Variants in OR13A1 observed in about 807,000 individuals in gnomAD.
OR13A1 encodes the protein olfactory receptor family 13 subfamily A member 1.
OR13A1 carries 10 observed loss-of-function variants against 7.5 expected under a neutral mutation model. The ratio of observed to expected loss-of-function variants is 1.34; its 90% CI spans 0.83 to 2.27. OR13A1 has a LOEUF of 2.27. Among genes scored for constraint, OR13A1 ranks in the 30% most tolerant of loss-of-function variants. The pLI is 0.00. For missense variants in OR13A1, 509 were observed against 419.1 expected (o/e 1.21, Z -1.87); for synonymous variants, 238 against 177.9 (o/e 1.34, Z -2.69).
rs77391684 is a variant in OR13A1 at position 45,314,384 on chromosome 10, G to A, written c.-225+1140C>T. On this transcript the variant is annotated intron_variant, in intron 1 of 3. Coordinates refer to ENST00000553795, the MANE Select transcript of OR13A1 (RefSeq NM_001004297.3). ...GGCTGAGGGAGGAGAACTTCTGGAG[G>A]CCAGGAATTTGAGACCAGCCTGGGC... Among the ~76,000 whole-genome samples, 19 of 151,198 alleles carry A rather than the reference G, an allele frequency of 1.3e-4. No homozygotes were observed. In the East Asian group the frequency reaches 3.7e-3, roughly 29 times the overall value.
At chr10:45,311,516 T>A (rs1030399513) in intron 1 of OR13A1, among the ~76,000 whole-genome samples, 1 of 152,070 alleles carries the variant, frequency 6.6e-6, no homozygotes, top group Non-Finnish European at 1.5e-5. Context: ...TGATATAATA[T>A]CCATACTAGG....
intron 3 of OR13A1, among the ~76,000 whole-genome samples, chr10:45,305,174 C>T (rs983344741): frequency 3.3e-5 from 5 of 151,680 alleles, no homozygotes; most frequent in African/African-American, 9.7e-5. Context: ...GGCAAGGTTT[C>T]GGTGAGCTGA....
In OR13A1 at chr10:45,312,204, C is replaced by T. The variant is rs764275363; in HGVS notation, c.-225+3320G>A. Among the ~76,000 whole-genome samples, 8 of 152,116 alleles carry T rather than the reference C, an allele frequency of 5.3e-5. 1 individual carries two copies. The East Asian group carries it at 1.5e-3, about 29-fold the overall frequency. ...AGAAAAAAATTTGAATGAATAATGG[C>T]TACAATTTTTCTAAATGTAATGAAA... is the stretch of plus-strand genomic sequence containing the variant. On this transcript the variant is annotated intron_variant, in intron 1 of 3. Coordinates refer to ENST00000553795, the MANE Select transcript of OR13A1 (RefSeq NM_001004297.3).
At chr10:45,311,203 T>C (rs1838438535) in intron 1 of OR13A1, among the ~76,000 whole-genome samples, 2 of 152,230 alleles carry the variant, frequency 1.3e-5, no homozygotes, top group African/African-American at 4.8e-5. Flanking sequence ...TTTTAGTTAT[T>C]TCTATCACCC....
In OR13A1 at chr10:45,307,544, T is replaced by G. The variant is rs1485674935; in HGVS notation, c.-131A>C. 1 of 152,226 alleles carries G rather than the reference T, an allele frequency of 6.6e-6. No individual in the cohort carries two copies. The highest frequency in any genetic ancestry group is 1.5e-5 in the Non-Finnish European group (1 of 68,038). The allele number at this position is 152,226 out of a possible 1,614,324, so 9.4% of individuals were successfully genotyped here. On this transcript the variant is annotated 5_prime_UTR_variant, in exon 3 of 4. Coordinates refer to ENST00000553795, the MANE Select transcript of OR13A1 (RefSeq NM_001004297.3). ...CATGAGAATGACCACAAGATTTCTTTACAGCCTCAGCCAGTCATTTCTTCT... is the reference window on the plus strand; with the variant it reads ...CATGAGAATGACCACAAGATTTCTTGACAGCCTCAGCCAGTCATTTCTTCT...
Position 45,303,430 on chromosome 10 carries a change from C to T in OR13A1, c.*6G>A, listed in dbSNP as rs952533208. On this transcript the variant is annotated 3_prime_UTR_variant, in exon 4 of 4. Coordinates refer to ENST00000553795, the MANE Select transcript of OR13A1 (RefSeq NM_001004297.3). Reference sequence around the variant, plus strand: ...CTCCAAGGACAAAAACTTCAGAAGACACAAGTTAATTTCTGAAGAAAGGGA... The same window carrying T: ...CTCCAAGGACAAAAACTTCAGAAGATACAAGTTAATTTCTGAAGAAAGGGA... 2 of 1,580,492 alleles carry T rather than the reference C, an allele frequency of 1.3e-6. No individual in the cohort carries two copies. The highest frequency in any genetic ancestry group is 1.4e-5 in the African/African-American group (1 of 73,684).
At chr10:45,308,147 G>A (rs990530919) in intron 1 of OR13A1, among the ~76,000 whole-genome samples, 3 of 152,168 alleles carry the variant, frequency 2.0e-5, no homozygotes, top group Non-Finnish European at 2.9e-5. Context: ...CATTTCTATT[G>A]TAGACATGCT....
Position 45,303,679 on chromosome 10 carries a change from A to G in OR13A1, c.744T>C (p.Thr248=). 6.2e-7 allele frequency: 1 copy of G among 1,614,228 alleles called. No homozygotes were observed. The highest frequency in any genetic ancestry group is 8.5e-7 in the Non-Finnish European group (1 of 1,180,028). ...FIVSSILKVK[T]AWGRQKAFST... ...AGAAGGCTTTCTGCCTCCCCCAGGC[A>G]GTCTTCACCTTCAGGATGCTGGAGA... The change falls in exon 4 of 4, where the codon ACT becomes ACC. Residue 248 remains threonine, a synonymous_variant. Transcript: ENST00000553795.
intron 3 of OR13A1, among the ~76,000 whole-genome samples, chr10:45,306,245 G>A (rs1202665155): frequency 6.6e-6 from 1 of 152,174 alleles, no homozygotes; most frequent in African/African-American, 2.4e-5. Flanking sequence ...AGAAGGTCAG[G>A]AGATCGAGAC....
At chr10:45,309,462 T>A (rs1007085150) in intron 1 of OR13A1, among the ~76,000 whole-genome samples, 2 of 151,990 alleles carry the variant, frequency 1.3e-5, no homozygotes, top group Non-Finnish European at 2.9e-5. Flanking sequence ...AAAGGACCAC[T>A]CTGTCTGCTG....
At position 45,303,365 on chromosome 10, in the gene OR13A1, G is replaced by C; in HGVS notation, c.*71C>G. 6.8e-7 allele frequency: 1 copy of C among 1,467,526 alleles called. No individual in the cohort carries two copies. 90.9% of individuals were successfully genotyped at this position (1,467,526 alleles called of 1,614,324 possible). A position where few individuals can be genotyped will look rare whatever the true frequency, so the allele number is the denominator to read the frequency against. Reference sequence around the variant, plus strand: ...AAAAAACAAGTCTATTTACCTCCCAGTCCAGAAACTTGCTCATCAGACTCC... The same window carrying C: ...AAAAAACAAGTCTATTTACCTCCCACTCCAGAAACTTGCTCATCAGACTCC... On this transcript the variant is annotated 3_prime_UTR_variant, in exon 4 of 4. Transcript: ENST00000553795.
intron 3 of OR13A1, among the ~76,000 whole-genome samples, chr10:45,305,350 A>G (rs527504470): frequency 6.6e-6 from 1 of 152,346 alleles, no homozygotes; most frequent in South Asian, 2.1e-4. Flanking sequence ...TTCCACTGAT[A>G]TTGAGGATAG....
intron 3 of OR13A1, among the ~76,000 whole-genome samples, chr10:45,305,231 C>CA (rs1009790753): frequency 5.6e-5 from 8 of 144,080 alleles, no homozygotes; most frequent in South Asian, 4.4e-4. Flanking sequence ...GAGACTGTCT[C>CA]AAAAAAAATT....
intron 1 of OR13A1, among the ~76,000 whole-genome samples, chr10:45,313,164 C>A (rs1435491607): frequency 2.0e-5 from 3 of 152,004 alleles, no homozygotes; most frequent in African/African-American, 7.2e-5. Context: ...AGGGTAGGAG[C>A]TTTGAAGAAA....
At chr10:45,310,306 A>G (rs376947613) in intron 1 of OR13A1, among the ~76,000 whole-genome samples, 37 of 152,308 alleles carry the variant, frequency 2.4e-4, no homozygotes, top group African/African-American at 8.7e-4. Flanking sequence ...TAGCTTCCAG[A>G]CTGATGGGGC....
intron 3 of OR13A1, among the ~76,000 whole-genome samples, chr10:45,307,218 T>C (rs17443340): frequency 0.086 from 13,024 of 152,268 alleles, 765 homozygotes; most frequent in Non-Finnish European, 0.11. Flanking sequence ...CAAGCAGCAG[T>C]GTGCAGAGTC....
intron 1 of OR13A1, among the ~76,000 whole-genome samples, chr10:45,314,158 C>A (rs2133049373): frequency 6.6e-6 from 1 of 152,050 alleles, no homozygotes; most frequent in Middle Eastern, 3.4e-3. Context: ...TTTCAACAAG[C>A]AATGGGTCAA....
chr10:45,302,685 T>C lies in OR13A1; in HGVS notation c.*751A>G, dbSNP rs1337957423. 6.6e-6 allele frequency: 1 copy of C among 152,160 alleles called. No homozygotes were observed. Among genetic ancestry groups the C allele is most frequent in the Non-Finnish European group, 1.5e-5 (1 of 68,026 alleles). The allele number at this position is 152,160 out of a possible 1,614,324, so 9.4% of individuals were successfully genotyped here. ...GCATGGAGCACAAGCACAAGACCTG[T>C]CTTTATTAGACACAGAGGATTCGTT... On this transcript the variant is annotated 3_prime_UTR_variant, in exon 4 of 4. Coordinates refer to ENST00000553795, the MANE Select transcript of OR13A1 (RefSeq NM_001004297.3).
rs1838263941 is a variant in OR13A1, at chr10:45,303,887, C to T, written c.536G>A (p.Gly179Glu). The T allele has an allele frequency of 1.9e-6, 3 of 1,613,438 alleles. No individual in the cohort carries two copies. The East Asian group carries it at 6.7e-5, about 36-fold the overall frequency. ...ACAGAAATCCAAGCGCAGCATCAGC[C>T]CCGTGTGGATGGCCGTGTTGACGGC... Reference protein sequence around the residue: ...LCAVNTAIHTGLMLRLDFCGP... With the variant: ...LCAVNTAIHTELMLRLDFCGP... The change falls in exon 4 of 4, where the codon GGG becomes GAG. Residue 179 changes from glycine (G) to glutamate (E), a missense_variant. Physicochemically the swap from Gly to Glu is moderately conservative, Grantham distance 98. Coordinates refer to ENST00000553795, the MANE Select transcript of OR13A1 (RefSeq NM_001004297.3).
Sources: allele counts gnomAD v4.1 joint callset (sites outside exome capture counted in the v4.1 genomes callset), GRCh38; gene constraint gnomAD v4.1.1; transcripts MANE v1.5; gene names NCBI Gene and HGNC (gene_info 2026-07-23, HGNC 2026-07-21).